The following ADAP2 variants were observed in gnomAD, a reference collection of about 807,000 sequenced individuals.
The protein encoded by ADAP2 is arf-GAP with dual PH domain-containing protein 2.
In ADAP2, 42 loss-of-function variants were observed where a neutral mutation model predicts 54.9. That is an observed-to-expected ratio of 0.77 (90% CI 0.60 to 0.99). The LOEUF (loss-of-function observed/expected upper bound fraction) is 0.99, where lower values mean the gene tolerates loss of function less well. Among genes scored for constraint, ADAP2 ranks in the 50% least tolerant of loss-of-function variants. The pLI is 0.00. For missense variants in ADAP2, 429 were observed against 480.4 expected (o/e 0.89, Z 1.00); for synonymous variants, 177 against 180.1 (o/e 0.98, Z 0.14).
At chr17:30,944,337 A>G (rs118174891) in intron 5 of ADAP2, among the ~76,000 whole-genome samples, 522 of 152,082 alleles carry the variant, frequency 3.4e-3, no homozygotes, top group Middle Eastern at 0.01. Flanking sequence ...ACACATGGAC[A>G]CAAAGAAGGG....
intron 5 of ADAP2, among the ~76,000 whole-genome samples, chr17:30,935,109 G>C (rs1911777791): frequency 6.6e-6 from 1 of 152,162 alleles, no homozygotes; most frequent in Non-Finnish European, 1.5e-5. Context: ...GCTCATGCCT[G>C]TAATCCCAGC....
intron 5 of ADAP2, among the ~76,000 whole-genome samples, chr17:30,935,420 A>G (rs1179051690): frequency 6.6e-6 from 1 of 151,942 alleles, no homozygotes; most frequent in African/African-American, 2.4e-5. Context: ...CAACAATGAG[A>G]GTGTGTTAGG....
chr17:30,939,212 G>T (rs906959417), intron 5 of ADAP2, among the ~76,000 whole-genome samples: 2 of 152,088 alleles, frequency 1.3e-5, no homozygotes, highest in African/African-American at 4.8e-5. Context: ...GCTGCGAGTT[G>T]GTCTCTCGGA....
chr17:30,927,973 C>G lies in ADAP2; in HGVS notation c.317+1055C>G, dbSNP rs1911187215. ...AGCCCAGATTGCAGTGAGCTAGGAT[C>G]ACATGTGTCACTGCACTCTAGTATG... On this transcript the variant is annotated intron_variant, in intron 3 of 10. Transcript: ENST00000330889. Among the ~76,000 whole-genome samples, 7 of 151,232 alleles carry G rather than the reference C, an allele frequency of 4.6e-5. 1 individual carries two copies. In the South Asian group the frequency reaches 1.5e-3, roughly 31 times the overall value.
intron 8 of ADAP2, 178 bp from the exon 9 acceptor site, chr17:30,954,300 G>A: frequency 1.6e-6 from 1 of 615,230 alleles, no homozygotes; most frequent in South Asian, 2.0e-5. Context: ...AGAACCTTCA[G>A]AGCCTGAGGG....
At chr17:30,923,264 CTTT>C (rs375853030) in intron 2 of ADAP2, among the ~76,000 whole-genome samples, 194 bp downstream of exon 2, 5 of 135,088 alleles carry the variant, frequency 3.7e-5, no homozygotes, top group African/African-American at 2.8e-5. Flanking sequence ...CATTTGCTTA[CTTT>C]TTTTTTTTTT....
intron 6 of ADAP2, among the ~76,000 whole-genome samples, chr17:30,947,614 G>A (rs1222234900): frequency 6.6e-6 from 1 of 152,144 alleles, no homozygotes; most frequent in African/African-American, 2.4e-5. Context: ...CGGCCTCCCA[G>A]AGTGTTGGGA....
intron 5 of ADAP2, among the ~76,000 whole-genome samples, chr17:30,939,674 G>A (rs1912122339): frequency 6.6e-6 from 1 of 151,712 alleles, no homozygotes; most frequent in Admixed American, 6.6e-5. Flanking sequence ...AGGAGGCTGA[G>A]GCAGGAGAAT....
chr17:30,941,060 C>T (rs573312439), intron 5 of ADAP2, among the ~76,000 whole-genome samples: 2 of 152,278 alleles, frequency 1.3e-5, no homozygotes, highest in African/African-American at 4.8e-5. Flanking sequence ...CAAAGAACTG[C>T]CTCAGGATCT....
intron 6 of ADAP2, among the ~76,000 whole-genome samples, chr17:30,948,046 A>C (rs1344467704): frequency 6.6e-6 from 1 of 152,164 alleles, no homozygotes; most frequent in Non-Finnish European, 1.5e-5. Flanking sequence ...ATCTATTACA[A>C]CATCAAAACT....
In ADAP2 at chr17:30,954,553, C is replaced by G. The variant is rs1904918461; in HGVS notation, c.880C>G (p.Leu294Val). ...GAGGCTGCTCTATTACAAGAACCCA[C>G]TGGTAAGAGCCACTCCTGCTCCCTC... ...ERRLLYYKNP[L>V]DAFEQGQVFL... The change falls in exon 9 of 11, where the codon CTG becomes GTG. Residue 294 changes from leucine to valine, a missense_variant and splice_region_variant. Leu to Val is a conservative substitution (Grantham distance 32). Coordinates refer to ENST00000330889, the MANE Select transcript of ADAP2 (RefSeq NM_018404.3). The G allele has an allele frequency of 6.2e-7, 1 of 1,613,802 alleles. No individual in the cohort carries two copies.
At chr17:30,927,027 G>T (rs1911108512) in intron 3 of ADAP2, 109 bp downstream of exon 3, 1 of 796,974 alleles carries the variant, frequency 1.3e-6, no homozygotes, top group Non-Finnish European at 2.1e-6. Context: ...CTATGGGCCT[G>T]GTGCGCAGGT....
At chr17:30,950,096 T>A (rs8079412) in intron 7 of ADAP2, among the ~76,000 whole-genome samples, 31,886 of 152,162 alleles carry the variant, frequency 0.21, 10,506 homozygotes, top group African/African-American at 0.7. Context: ...CACTGATGAG[T>A]TATACAGTCC....
chr17:30,951,398 G>T (rs1458484324), intron 7 of ADAP2, among the ~76,000 whole-genome samples: 21 of 152,058 alleles, frequency 1.4e-4, no homozygotes, highest in Non-Finnish European at 1.3e-4. Flanking sequence ...AGCAGTTCGG[G>T]ACTCCATCTG....
At chr17:30,942,444 G>A (rs1355147030) in intron 5 of ADAP2, among the ~76,000 whole-genome samples, 1 of 152,174 alleles carries the variant, frequency 6.6e-6, no homozygotes, top group Admixed American at 6.6e-5. Context: ...GCAGTCTCTA[G>A]TAAGTGAAGA....
intron 7 of ADAP2, 52 bp downstream of exon 7, chr17:30,949,422 C>T: frequency 6.5e-7 from 1 of 1,529,630 alleles, no homozygotes; most frequent in Non-Finnish European, 9.1e-7. Flanking sequence ...CCATCTCCTT[C>T]TTTCCCTGTC....
intron 5 of ADAP2, among the ~76,000 whole-genome samples, chr17:30,935,669 G>A (rs1184491608): frequency 6.6e-6 from 1 of 152,164 alleles, no homozygotes; most frequent in Non-Finnish European, 1.5e-5. Flanking sequence ...CCCCAGTCTC[G>A]AAAATCAGAA....
chr17:30,945,112 G>A, intron 6 of ADAP2, 59 bp downstream of exon 6: 1 of 1,583,174 alleles, frequency 6.3e-7, no homozygotes, highest in Non-Finnish European at 8.6e-7. Context: ...CTTGGCAGGT[G>A]CAGCTCACCA....
intron 5 of ADAP2, among the ~76,000 whole-genome samples, chr17:30,936,157 C>T (rs7209330): frequency 0.1 from 15,918 of 151,696 alleles, 2,443 homozygotes; most frequent in African/African-American, 0.34. Context: ...ACTATTTTAT[C>T]TTATTTATTT....
Sources: gnomAD v4.1 joint callset for allele counts (sites outside exome capture counted in the v4.1 genomes callset) on GRCh38, gnomAD v4.1.1 for gene constraint, MANE v1.5 for transcripts, NCBI Gene and HGNC (gene_info 2026-07-23, HGNC 2026-07-21) for gene names.